The following ABHD8 variants were observed in gnomAD, a reference collection of about 807,000 sequenced individuals.
The protein encoded by ABHD8 is protein ABHD8.
ABHD8 carries 10 observed loss-of-function variants against 29.3 expected under a neutral mutation model. That is an observed-to-expected ratio of 0.34 (90% confidence interval 0.21 to 0.58). The LOEUF (loss-of-function observed/expected upper bound fraction) is 0.58, where lower values mean the gene tolerates loss of function less well. Among genes scored for constraint, ABHD8 ranks in the 20% least tolerant of loss-of-function variants. ABHD8 has a pLI of 0.85. For missense variants in ABHD8, 556 were observed against 615.3 expected (o/e 0.90, Z 1.02); for synonymous variants, 282 against 274.6 (o/e 1.03, Z -0.27).
chr19:17,293,989 C>G (rs951656787), intron 4 of ABHD8, among the ~76,000 whole-genome samples: 3 of 152,144 alleles, frequency 2.0e-5, no homozygotes, highest in Admixed American at 6.5e-5. Context: ...CGGTCTCATA[C>G]AAATCCTCCG....
chr19:17,298,151 C>G (rs1161695997), intron 2 of ABHD8: 1 of 151,944 alleles, frequency 6.6e-6, no homozygotes, highest in Non-Finnish European at 1.5e-5. Context: ...ATCTCCTGAC[C>G]TCCTGATCCG....
At position 17,300,454 on chromosome 19, in the gene ABHD8, G is replaced by A. The variant is rs367595574; in HGVS notation, c.761+402C>T. Among the ~76,000 whole-genome samples the A allele has an allele frequency of 9.9e-5, 15 of 151,802 alleles. No homozygotes were observed. In the South Asian group the frequency reaches 2.1e-3, roughly 21 times the overall value. ...ACTCCTTGCCTCAAGATATCCTCCC[G>A]CCTTGGCCCCCGAAAGCACTGGGAT... On this transcript the variant is annotated intron_variant, in intron 2 of 4. Coordinates refer to ENST00000247706, the MANE Select transcript of ABHD8 (RefSeq NM_024527.5).
chr19:17,292,632 C>T lies in ABHD8; in HGVS notation c.*29G>A, dbSNP rs933439322. 4 of 1,589,834 alleles carry T rather than the reference C, an allele frequency of 2.5e-6. No homozygotes were observed. In the African/African-American group the frequency reaches 5.4e-5, roughly 21 times the overall value. Reference sequence around the variant, plus strand: ...GGCCTCCTCCTGCTGCGGCTGTGCTCACCAAGCGATGCCCCGCCGGCCCAG... The same window carrying T: ...GGCCTCCTCCTGCTGCGGCTGTGCTTACCAAGCGATGCCCCGCCGGCCCAG... On this transcript the variant is annotated 3_prime_UTR_variant, in exon 5 of 5. Transcript: ENST00000247706.
chr19:17,301,179 C>T lies in ABHD8; in HGVS notation c.438G>A (p.Gly146=). The T allele has an allele frequency of 6.2e-7, 1 of 1,606,786 alleles. No individual in the cohort carries two copies. Among genetic ancestry groups the T allele is most frequent in the Non-Finnish European group, 8.5e-7 (1 of 1,178,646 alleles). ...AGSGSGSGSG[G]RRRRARRPKR... is the part of the protein sequence containing the mutation. Reference sequence around the variant, plus strand: ...TGGGGCGCCTGGCTCGCCGCCGCCGCCCACCACTGCCACTGCCGCTGCCGC... The same window carrying T: ...TGGGGCGCCTGGCTCGCCGCCGCCGTCCACCACTGCCACTGCCGCTGCCGC... The change falls in exon 2 of 5, where the codon GGG becomes GGA. Residue 146 remains glycine, a synonymous_variant. Coordinates refer to ENST00000247706, the MANE Select transcript of ABHD8 (RefSeq NM_024527.5).
In ABHD8 at chr19:17,294,753, G is replaced by T. The variant is rs1452486212; in HGVS notation, c.854C>A (p.Pro285His). The T allele has an allele frequency of 6.2e-7, 1 of 1,614,060 alleles. No individual in the cohort carries two copies. Among genetic ancestry groups the T allele is most frequent in the Non-Finnish European group, 8.5e-7 (1 of 1,180,034 alleles). Residue 285 changes from proline to histidine, a missense_variant, in exon 3 of 5, where the codon CCC becomes CAC. Pro to His is a moderately conservative substitution (Grantham distance 77). Transcript: ENST00000247706. ...CATGTTGAAGATTGAGCAGAAGCTGGGCTCCAGCGCCGTAGGGCCCCCGCC... is the reference window on the plus strand; with the variant it reads ...CATGTTGAAGATTGAGCAGAAGCTGTGCTCCAGCGCCGTAGGGCCCCCGCC... ...INGGGPTALEPSFCSIFNMPT... is the reference protein window; with the variant it reads ...INGGGPTALEHSFCSIFNMPT...
chr19:17,295,371 T>G (rs572618719), intron 2 of ABHD8, among the ~76,000 whole-genome samples: 78 of 152,164 alleles, frequency 5.1e-4, no homozygotes, highest in South Asian at 1.5e-3. Context: ...CCTCCCAAAG[T>G]GCTGGGATTA....
In ABHD8 at chr19:17,303,405, C is replaced by G. The variant is rs1158282462; in HGVS notation, c.-172G>C. ...GGTCAGCGCAGGGGCATCCCGCGGC[C>G]GCCGAAACAGCCGGCCCTTTAAGTT... On this transcript the variant is annotated 5_prime_UTR_variant, in exon 1 of 5. Coordinates refer to ENST00000247706, the MANE Select transcript of ABHD8 (RefSeq NM_024527.5). The G allele has an allele frequency of 6.6e-6, 1 of 152,242 alleles. No homozygotes were observed. The highest frequency in any genetic ancestry group is 1.5e-5 in the Non-Finnish European group (1 of 68,046). The allele number at this position is 152,242 out of a possible 1,614,324, so 9.4% of individuals were successfully genotyped here. A position where few individuals can be genotyped will look rare whatever the true frequency, so the allele number is the denominator to read the frequency against.
intron 4 of ABHD8, 35 bp downstream of exon 4, chr19:17,294,253 T>C: frequency 6.3e-7 from 1 of 1,584,148 alleles, no homozygotes; most frequent in Non-Finnish European, 8.5e-7. Flanking sequence ...ACCCTGGGGA[T>C]TTGTAGCTGT....
In ABHD8 at chr19:17,292,376, G is replaced by A; in HGVS notation, c.*285C>T. ...CCTGCCTTGGCCGTGGCGTTGGGGG[G>A]AAGGTGAGGGAGAGCTTCTGTACAA... On this transcript the variant is annotated 3_prime_UTR_variant, in exon 5 of 5. Transcript: ENST00000247706. The A allele has an allele frequency of 2.3e-6, 1 of 441,394 alleles. No individual in the cohort carries two copies. The highest frequency in any genetic ancestry group is 4.0e-6 in the Non-Finnish European group (1 of 250,944). The allele number at this position is 441,394 out of a possible 1,614,324, so 27.3% of individuals were successfully genotyped here.
At chr19:17,294,210 C>T in intron 4 of ABHD8, 78 bp downstream of exon 4, 3 of 1,506,010 alleles carry the variant, frequency 2.0e-6, no homozygotes, top group Non-Finnish European at 2.7e-6. Flanking sequence ...CGCTACCACG[C>T]CCCCCGCAGA....
intron 2 of ABHD8, among the ~76,000 whole-genome samples, chr19:17,295,062 T>C (rs989132242): frequency 6.7e-6 from 1 of 150,220 alleles, no homozygotes; most frequent in Non-Finnish European, 1.5e-5. Flanking sequence ...TAGCTGAGAT[T>C]GCAGGCGCAC....
intron 2 of ABHD8, among the ~76,000 whole-genome samples, chr19:17,296,975 G>T (rs1167879562): frequency 1.3e-5 from 2 of 152,148 alleles, no homozygotes; most frequent in Admixed American, 6.6e-5. Flanking sequence ...GATTAGAGGC[G>T]TGAGCCACCG....
intron 2 of ABHD8, among the ~76,000 whole-genome samples, chr19:17,299,726 T>A (rs759823421): frequency 4.0e-5 from 6 of 151,686 alleles, no homozygotes; most frequent in Non-Finnish European, 5.9e-5. Context: ...AAAAAAATTT[T>A]AAAAATGTAA....
rs1257742043 is a variant in ABHD8 at position 17,294,765 on chromosome 19, G to A, written c.842C>T (p.Thr281Met). 17 of 1,614,036 alleles carry A rather than the reference G, an allele frequency of 1.1e-5. No homozygotes were observed. Among genetic ancestry groups the A allele is most frequent in the Admixed American group, 1.7e-5 (1 of 60,010 alleles). The change falls in exon 3 of 5, where the codon ACG becomes ATG. Residue 281 changes from threonine (T) to methionine (M), a missense_variant. Transcript: ENST00000247706. ...KVIMINGGGPTALEPSFCSIF... is the reference protein window; with the variant it reads ...KVIMINGGGPMALEPSFCSIF... Reference sequence around the variant, plus strand: ...TGAGCAGAAGCTGGGCTCCAGCGCCGTAGGGCCCCCGCCATTGATCATGAT... The same window carrying A: ...TGAGCAGAAGCTGGGCTCCAGCGCCATAGGGCCCCCGCCATTGATCATGAT...
rs183475016 is a variant in ABHD8 at position 17,301,248 on chromosome 19, A to G, written c.369T>C (p.Asp123=). 5.8e-4 allele frequency: 929 copies of G among 1,597,454 alleles called. 4 individuals carry two copies. The African/African-American group carries it at 8.6e-3, about 15-fold the overall frequency. ...PPAALEVELA[D]PAGSDGRLAP... The stretch of plus-strand genomic sequence containing the variant: ...CCAAGCGGCCATCGCTGCCCGCCGG[A>G]TCTGCCAGCTCCACCTCCAGGGCGG... Residue 123 remains aspartate (D), a synonymous_variant, in exon 2 of 5, where the codon GAT becomes GAC. Transcript: ENST00000247706.
Position 17,301,376 on chromosome 19 carries a change from G to A in ABHD8, c.241C>T (p.Arg81Trp), listed in dbSNP as rs747176177. 4.4e-5 allele frequency: 71 copies of A among 1,611,058 alleles called. No individual in the cohort carries two copies. The highest frequency in any genetic ancestry group is 2.5e-4 in the Admixed American group (15 of 60,004). ...DLSGLVRCQRRITVYRNGRLL... is the reference protein window; with the variant it reads ...DLSGLVRCQRWITVYRNGRLL... ...CGCCCATTGCGGTACACGGTGATCCGGCGCTGACAGCGGACCAAGCCGGAG... is the reference window on the plus strand; with the variant it reads ...CGCCCATTGCGGTACACGGTGATCCAGCGCTGACAGCGGACCAAGCCGGAG... Residue 81 changes from arginine to tryptophan, a missense_variant, in exon 2 of 5, where the codon CGG becomes TGG. This residue lies in a region of ABHD8 where 286 missense variants were observed against 261.4 expected (regional missense o/e 1.09). Coordinates refer to ENST00000247706, the MANE Select transcript of ABHD8 (RefSeq NM_024527.5).
At chr19:17,294,236 G>T in intron 4 of ABHD8, 52 bp downstream of exon 4, 1 of 1,570,930 alleles carries the variant, frequency 6.4e-7, no homozygotes. Flanking sequence ...CGCCCCTCCC[G>T]GGCAGCACCC....
rs1374803448 is a variant in ABHD8 at position 17,301,548 on chromosome 19, T to A, written c.69A>T (p.Pro23=). Residue 23 remains proline (P), a synonymous_variant, in exon 2 of 5, where the codon CCA becomes CCT. Transcript: ENST00000247706. ...CATCGCTGGACTCGACGCTCTCCAG[T>A]GGCCCCACGGCGTTGGGGGGCGTGC... is the stretch of plus-strand genomic sequence containing the variant. ...LLGTPPNAVG[P]LESVESSDGY... is the part of the protein sequence containing the mutation. 1.2e-6 allele frequency: 2 copies of A among 1,608,430 alleles called. No homozygotes were observed. The highest frequency in any genetic ancestry group is 8.5e-7 in the Non-Finnish European group (1 of 1,177,680).
At position 17,292,617 on chromosome 19, in the gene ABHD8, T is replaced by G; in HGVS notation, c.*44A>C. ...CCTGGCGCAGGCTCGGGCCTCCTCC[T>G]GCTGCGGCTGTGCTCACCAAGCGAT... On this transcript the variant is annotated 3_prime_UTR_variant, in exon 5 of 5. Transcript: ENST00000247706. The G allele has an allele frequency of 6.4e-7, 1 of 1,559,442 alleles. No homozygotes were observed. The highest frequency in any genetic ancestry group is 8.7e-7 in the Non-Finnish European group (1 of 1,153,642).
Sources: gnomAD v4.1 joint callset for allele counts (sites outside exome capture counted in the v4.1 genomes callset) on GRCh38, gnomAD v4.1.1 for gene constraint, gnomAD v4.1.1 regional missense constraint, MANE v1.5 for transcripts, NCBI Gene and HGNC (gene_info 2026-07-23, HGNC 2026-07-21) for gene names.